Variants in ANKS1B observed in about 807,000 individuals in gnomAD.
The protein encoded by ANKS1B is ankyrin repeat and sterile alpha motif domain-containing protein 1B.
Under a neutral mutation model 148.3 loss-of-function variants are expected in ANKS1B, and 36 were observed. That is an observed-to-expected ratio of 0.24 (90% confidence interval 0.19 to 0.32). ANKS1B has a LOEUF of 0.32. Ranked by LOEUF, ANKS1B falls within the 10% of genes least tolerant of loss-of-function variation. ANKS1B has a pLI of 1.00. For synonymous variants in ANKS1B, 542 were observed against 560.8 expected (o/e 0.97, Z 0.47); for missense variants, 1,157 against 1,542.6 (o/e 0.75, Z 4.19).
chr12:99,313,311 G>A (rs571321322), intron 12 of ANKS1B, among the ~76,000 whole-genome samples: 5 of 152,310 alleles, frequency 3.3e-5, no homozygotes, highest in African/African-American at 1.2e-4. Flanking sequence ...GGATCAGACA[G>A]ATTCACAGCT....
At chr12:99,106,678 A>G (rs1446806238) in intron 15 of ANKS1B, among the ~76,000 whole-genome samples, 1 of 152,214 alleles carries the variant, frequency 6.6e-6, no homozygotes, top group Non-Finnish European at 1.5e-5. Context: ...CATCATCTCA[A>G]GCATTTATCA....
chr12:99,654,191 G>T (rs748938161), intron 9 of ANKS1B, among the ~76,000 whole-genome samples: 7 of 152,102 alleles, frequency 4.6e-5, no homozygotes, highest in Non-Finnish European at 7.4e-5. Context: ...AATTTGAGGG[G>T]CTATGATCAA....
intron 12 of ANKS1B, among the ~76,000 whole-genome samples, chr12:99,303,100 T>C (rs1343078606): frequency 1.3e-5 from 2 of 152,106 alleles, no homozygotes; most frequent in Non-Finnish European, 2.9e-5. Context: ...ATAATACTTA[T>C]ATGTGGCAAT....
At chr12:98,846,070 T>A (rs2099465242) in intron 17 of ANKS1B, among the ~76,000 whole-genome samples, 1 of 151,594 alleles carries the variant, frequency 6.6e-6, no homozygotes, top group Non-Finnish European at 1.5e-5. Flanking sequence ...TAAGGGTGGT[T>A]TATTGACAGT....
chr12:99,722,696 T>C (rs1029614998), intron 8 of ANKS1B, among the ~76,000 whole-genome samples: 1 of 152,216 alleles, frequency 6.6e-6, no homozygotes, highest in South Asian at 2.1e-4. Flanking sequence ...ATTTTGACTT[T>C]CAAGTCTTAT....
intron 9 of ANKS1B, among the ~76,000 whole-genome samples, chr12:99,506,367 A>T (rs1055750726): frequency 3.3e-5 from 5 of 152,062 alleles, no homozygotes; most frequent in African/African-American, 1.2e-4. Context: ...TTGCTTTCAG[A>T]CAATACCAGA....
Position 99,685,121 on chromosome 12 carries a change from G to T in ANKS1B, c.1129-29911C>A, listed in dbSNP as rs1209715211. 3.9e-5 allele frequency among the ~76,000 whole-genome samples: 6 copies of T among 152,180 alleles called. No homozygotes were observed. The East Asian group carries it at 1.2e-3, about 29-fold the overall frequency. ...TTCTGCACAGCAAAAGAAATAATCA[G>T]CAGAGTAAACAGACAACCCACAGAG... On this transcript the variant is annotated intron_variant, in intron 8 of 26. Transcript: ENST00000683438.
In ANKS1B at chr12:99,342,242, G is replaced by A. The variant is rs372106398; in HGVS notation, c.1756+57389C>T. On this transcript the variant is annotated intron_variant, in intron 12 of 26. Coordinates refer to ENST00000683438, the MANE Select transcript of ANKS1B (RefSeq NM_001352186.2). The stretch of plus-strand genomic sequence containing the variant: ...AAATGGGAGATTTAAGCTAGCAGGT[G>A]CAGGCAAAGAAAGATTTCCTAGGGA... Among the ~76,000 whole-genome samples, 105 of 152,178 alleles carry A rather than the reference G, an allele frequency of 6.9e-4. 2 individuals carry two copies. In the South Asian group the frequency reaches 0.021, roughly 30 times the overall value.
chr12:99,243,301 G>C (rs1029071744), intron 14 of ANKS1B, among the ~76,000 whole-genome samples: 1 of 152,212 alleles, frequency 6.6e-6, no homozygotes, highest in Non-Finnish European at 1.5e-5. Flanking sequence ...GGTCATCAGA[G>C]AAATGCAAAT....
chr12:99,958,859 C>T (rs2095362549), intron 1 of ANKS1B, among the ~76,000 whole-genome samples: 1 of 152,110 alleles, frequency 6.6e-6, no homozygotes, highest in African/African-American at 2.4e-5. Flanking sequence ...GTTCCTAACA[C>T]AAATGATGCA....
At chr12:99,071,557 G>A (rs2046278613) in intron 16 of ANKS1B, among the ~76,000 whole-genome samples, 1 of 152,066 alleles carries the variant, frequency 6.6e-6, no homozygotes, top group African/African-American at 2.4e-5. Flanking sequence ...TCCATTCTAT[G>A]CTATGTATAT....
intron 1 of ANKS1B, among the ~76,000 whole-genome samples, chr12:99,933,074 G>A (rs2094665628): frequency 6.6e-6 from 1 of 152,054 alleles, no homozygotes; most frequent in Non-Finnish European, 1.5e-5. Context: ...GTTCACTGTA[G>A]GTGTGTGGAT....
Position 99,310,065 on chromosome 12 carries a change from C to T in ANKS1B, c.1757-63201G>A, listed in dbSNP as rs139555070. On this transcript the variant is annotated intron_variant, in intron 12 of 26. Transcript: ENST00000683438. ...AAACCAAGTTTCTTACCTCTTTTGG[C>T]CACAGAAATCTGTATCATGGATCTG... is the stretch of plus-strand genomic sequence containing the variant. Among the ~76,000 whole-genome samples, 6 of 152,090 alleles carry T rather than the reference C, an allele frequency of 3.9e-5. No individual in the cohort carries two copies. In the East Asian group the frequency reaches 1.2e-3, roughly 29 times the overall value.
intron 10 of ANKS1B, among the ~76,000 whole-genome samples, chr12:99,502,150 C>T (rs938080523): frequency 7.9e-5 from 12 of 152,104 alleles, no homozygotes; most frequent in Non-Finnish European, 1.8e-4. Flanking sequence ...TCTATCACAC[C>T]TGATATTCCC....
intron 17 of ANKS1B, among the ~76,000 whole-genome samples, chr12:98,928,630 C>T (rs569768865): frequency 2.0e-5 from 3 of 151,938 alleles, no homozygotes; most frequent in South Asian, 4.1e-4. Context: ...ATTTAACATA[C>T]AAACATAAAT....
rs912352407 is a variant in ANKS1B, at chr12:99,369,845, G to C, written c.1756+29786C>G. 6.8e-3 allele frequency among the ~76,000 whole-genome samples: 915 copies of C among 134,746 alleles called. 5 individuals carry two copies. Among genetic ancestry groups the C allele is most frequent in the Admixed American group, 9.8e-3 (129 of 13,126 alleles). The allele number at this position is 134,746 out of a possible 152,430, so 88.4% of individuals were successfully genotyped here. A position where few individuals can be genotyped will look rare whatever the true frequency, so the allele number is the denominator to read the frequency against. On this transcript the variant is annotated intron_variant, in intron 12 of 26. Transcript: ENST00000683438. ...AGACGGACGGATAGACAGACAGACA[G>C]AGACAGATAGATAGATAGATAGATA...
At chr12:99,906,145 A>C (rs1166211447) in intron 1 of ANKS1B, among the ~76,000 whole-genome samples, 1 of 152,246 alleles carries the variant, frequency 6.6e-6, no homozygotes, top group Admixed American at 6.5e-5. Context: ...TCTTAGGAGT[A>C]GACCAGGCAT....
chr12:99,630,792 T>C (rs1367455433), intron 9 of ANKS1B, among the ~76,000 whole-genome samples: 1 of 152,184 alleles, frequency 6.6e-6, no homozygotes, highest in East Asian at 1.9e-4. Context: ...CTACAGCACG[T>C]CCTTACCAGC....
intron 10 of ANKS1B, among the ~76,000 whole-genome samples, chr12:99,482,980 C>G (rs1244710472): frequency 6.6e-6 from 1 of 150,928 alleles, no homozygotes. Context: ...TATTTGAATG[C>G]CTTTTATTTC....
Sources: allele counts gnomAD v4.1 joint callset (sites outside exome capture counted in the v4.1 genomes callset), GRCh38; gene constraint gnomAD v4.1.1; transcripts MANE v1.5; gene names NCBI Gene and HGNC (gene_info 2026-07-23, HGNC 2026-07-21).